ITFG1: variants seen among roughly 807,000 people sequenced by gnomAD.
The protein encoded by ITFG1 is integrin alpha FG-GAP repeat containing 1.
ITFG1 carries 34 observed loss-of-function variants against 81.8 expected under a neutral mutation model. The observed-to-expected ratio is 0.42, with a 90% CI of 0.32 to 0.55. The LOEUF (loss-of-function observed/expected upper bound fraction) is 0.55, where lower values mean the gene tolerates loss of function less well. Ranked by LOEUF, ITFG1 falls within the 20% of genes least tolerant of loss-of-function variation. ITFG1 has a pLI of 0.17. For missense variants in ITFG1, 672 were observed against 755.4 expected (o/e 0.89, Z 1.29); for synonymous variants, 285 against 270.6 (o/e 1.05, Z -0.52).
chr16:47,208,222 C>A (rs1470748308), intron 14 of ITFG1, among the ~76,000 whole-genome samples: 1 of 152,188 alleles, frequency 6.6e-6, no homozygotes, highest in Non-Finnish European at 1.5e-5. Context: ...AATCCAGGCT[C>A]TGCCTCATAC....
At chr16:47,157,697 G>C (rs1567408945) in intron 17 of ITFG1, 1 of 152,130 alleles carries the variant, frequency 6.6e-6, no homozygotes, top group South Asian at 2.1e-4. Flanking sequence ...ATATGTAAAG[G>C]AGTGATTTTT....
intron 10 of ITFG1, among the ~76,000 whole-genome samples, chr16:47,306,456 T>C (rs1449973741): frequency 2.0e-5 from 3 of 152,084 alleles, no homozygotes; most frequent in Admixed American, 2.0e-4. Flanking sequence ...AACATATTTA[T>C]GTGAACCCTT....
chr16:47,291,491 G>A (rs964719433), intron 10 of ITFG1, among the ~76,000 whole-genome samples: 2 of 152,048 alleles, frequency 1.3e-5, no homozygotes, highest in Non-Finnish European at 2.9e-5. Context: ...TCTCTCCACC[G>A]ACATGGAAAG....
At chr16:47,155,893 G>T in intron 17 of ITFG1, 115 bp from the exon 18 acceptor site, 2 of 669,196 alleles carry the variant, frequency 3.0e-6, no homozygotes, top group Non-Finnish European at 2.5e-6. Context: ...GCAGATAATA[G>T]ATATGATTTC....
chr16:47,352,233 C>A (rs1325570988), intron 8 of ITFG1, among the ~76,000 whole-genome samples: 1 of 152,190 alleles, frequency 6.6e-6, no homozygotes, highest in African/African-American at 2.4e-5. Context: ...TAAAGAGCTT[C>A]TGCACAGCAA....
At chr16:47,266,975 C>T in intron 10 of ITFG1, among the ~76,000 whole-genome samples, 1 of 151,924 alleles carries the variant, frequency 6.6e-6, no homozygotes, top group East Asian at 1.9e-4. Flanking sequence ...ATGGAATGTT[C>T]AGAATAGGAA....
intron 14 of ITFG1, among the ~76,000 whole-genome samples, chr16:47,183,495 C>T (rs1036867302): frequency 1.3e-5 from 2 of 152,240 alleles, no homozygotes; most frequent in African/African-American, 4.8e-5. Flanking sequence ...CCCCAGGCAG[C>T]CTAACTGGGA....
intron 14 of ITFG1, among the ~76,000 whole-genome samples, chr16:47,167,702 C>A (rs1964910624): frequency 6.6e-6 from 1 of 152,214 alleles, no homozygotes; most frequent in Non-Finnish European, 1.5e-5. Context: ...CTTTATTGCT[C>A]ACACAAAGCG....
chr16:47,325,369 G>T (rs1334521345), intron 8 of ITFG1, among the ~76,000 whole-genome samples: 1 of 152,188 alleles, frequency 6.6e-6, no homozygotes, highest in African/African-American at 2.4e-5. Flanking sequence ...ACATGAGAAA[G>T]CAGGAAAGAT....
chr16:47,219,853 T>C (rs2151527437), intron 13 of ITFG1, among the ~76,000 whole-genome samples: 1 of 152,284 alleles, frequency 6.6e-6, no homozygotes, highest in South Asian at 2.1e-4. Flanking sequence ...AGAAAATAGG[T>C]TGCTATAAGG....
chr16:47,290,302 T>C (rs1966890919), intron 10 of ITFG1, among the ~76,000 whole-genome samples: 1 of 152,162 alleles, frequency 6.6e-6, no homozygotes, highest in Admixed American at 6.5e-5. Context: ...TTGGATAAAA[T>C]GTTCTGTAAA....
chr16:47,180,417 C>G (rs927163821), intron 14 of ITFG1, among the ~76,000 whole-genome samples: 1 of 151,998 alleles, frequency 6.6e-6, no homozygotes, highest in African/African-American at 2.4e-5. Context: ...TTTCCACGGT[C>G]TCCCTCTGAT....
At position 47,277,618 on chromosome 16, in the gene ITFG1, A is replaced by C. The variant is rs1454720633; in HGVS notation, c.1071-16923T>G. On this transcript the variant is annotated intron_variant, in intron 10 of 17. Coordinates refer to ENST00000320640, the MANE Select transcript of ITFG1 (RefSeq NM_030790.5). ...AGTGAACACAGTACCTTGAAACTTC[A>C]AAAGAAAATTAGATATGACCATTTC... Among the ~76,000 whole-genome samples the C allele has an allele frequency of 2.6e-5, 4 of 152,222 alleles. No individual in the cohort carries two copies. In the East Asian group the frequency reaches 7.7e-4, roughly 29 times the overall value.
chr16:47,240,682 T>C (rs1459498156), intron 12 of ITFG1, among the ~76,000 whole-genome samples: 3 of 152,138 alleles, frequency 2.0e-5, no homozygotes, highest in African/African-American at 7.2e-5. Flanking sequence ...GAATAAAATA[T>C]GGTAAATACA....
intron 10 of ITFG1, among the ~76,000 whole-genome samples, chr16:47,275,310 T>C (rs1332513443): frequency 6.6e-6 from 1 of 152,164 alleles, no homozygotes; most frequent in Non-Finnish European, 1.5e-5. Context: ...CTGCTGTTTT[T>C]GGATTATACA....
In ITFG1 at chr16:47,258,644, C is replaced by A. The variant is rs1292530541; in HGVS notation, c.1318G>T (p.Val440Phe). The change falls in exon 12 of 18, where the codon GTT becomes TTT. Residue 440 changes from valine (V) to phenylalanine (F), a missense_variant. Physicochemically the swap from Val to Phe is conservative, Grantham distance 50. This residue lies in a region of ITFG1 where 560 missense variants were observed against 625.7 expected (regional missense o/e 0.90). Transcript: ENST00000320640. ...KNNFEADAYF[V>F]KVIVLSGLCS... ...GTACTTTACTCACCAATAACTTTAA[C>A]AAAATAAGCATCTGCTTCAAAGTTA... 2 of 1,422,098 alleles carry A rather than the reference C, an allele frequency of 1.4e-6. No individual in the cohort carries two copies. Among genetic ancestry groups the A allele is most frequent in the Admixed American group, 1.9e-5 (1 of 53,758 alleles). 88.1% of individuals were successfully genotyped at this position (1,422,098 alleles called of 1,614,324 possible).
chr16:47,189,418 G>GA (rs1205482123), intron 14 of ITFG1, among the ~76,000 whole-genome samples: 1 of 152,186 alleles, frequency 6.6e-6, no homozygotes, highest in Non-Finnish European at 1.5e-5. Flanking sequence ...CTACCTCTAT[G>GA]AAGTTGCCTA....
intron 6 of ITFG1, chr16:47,426,407 T>C (rs1969021754): frequency 6.6e-6 from 1 of 151,132 alleles, no homozygotes; most frequent in African/African-American, 2.4e-5. Context: ...AAAATAAGAT[T>C]AAAAAAATGA....
chr16:47,196,094 C>T (rs1965354252), intron 14 of ITFG1, among the ~76,000 whole-genome samples: 1 of 152,042 alleles, frequency 6.6e-6, no homozygotes, highest in African/African-American at 2.4e-5. Flanking sequence ...AAGAAGGTAG[C>T]TGTAATTCTA....
Sources: gnomAD v4.1 joint callset for allele counts (sites outside exome capture counted in the v4.1 genomes callset) on GRCh38, gnomAD v4.1.1 for gene constraint, gnomAD v4.1.1 regional missense constraint, MANE v1.5 for transcripts, NCBI Gene and HGNC (gene_info 2026-07-23, HGNC 2026-07-21) for gene names.